Variants in GPR158 observed in about 807,000 individuals in gnomAD.
The protein encoded by GPR158 is G protein-coupled receptor 158.
A neutral mutation model predicts 78.2 loss-of-function variants in GPR158; 30 were observed. The ratio of observed to expected loss-of-function variants is 0.38; its 90% CI spans 0.29 to 0.52. GPR158 has a LOEUF of 0.52. GPR158 is among the 20% of genes least tolerant of loss of function. The pLI is 0.83. For missense variants in GPR158, 1,463 were observed against 1,523.5 expected (o/e 0.96, Z 0.66); for synonymous variants, 581 against 591.1 (o/e 0.98, Z 0.25).
At chr10:25,472,182 G>A (rs564942021) in intron 5 of GPR158, among the ~76,000 whole-genome samples, 3 of 152,072 alleles carry the variant, frequency 2.0e-5, no homozygotes, top group Admixed American at 6.5e-5. Context: ...TCTACATATG[G>A]CTAGCCAGTT....
intron 10 of GPR158, among the ~76,000 whole-genome samples, chr10:25,597,056 C>T (rs1425315987): frequency 6.6e-6 from 1 of 152,164 alleles, no homozygotes; most frequent in Admixed American, 6.5e-5. Flanking sequence ...GTAGTCTTAA[C>T]TGACTTACTG....
chr10:25,274,931 G>A (rs1017306173), intron 2 of GPR158, among the ~76,000 whole-genome samples: 7 of 152,074 alleles, frequency 4.6e-5, no homozygotes, highest in Non-Finnish European at 7.4e-5. Flanking sequence ...TGACAAAGAC[G>A]AATTACTCTC....
chr10:25,372,253 G>A (rs939203860), intron 2 of GPR158, among the ~76,000 whole-genome samples: 35 of 152,160 alleles, frequency 2.3e-4, no homozygotes, highest in African/African-American at 7.7e-4. Context: ...CTTTTACACT[G>A]TTGGTGGGAC....
intron 2 of GPR158, among the ~76,000 whole-genome samples, chr10:25,222,988 T>C (rs988840336): frequency 6.6e-6 from 1 of 152,192 alleles, no homozygotes; most frequent in African/African-American, 2.4e-5. Flanking sequence ...CTTTCTCCTT[T>C]TGGAAGATTG....
At chr10:25,493,116 G>C (rs3005187) in intron 5 of GPR158, among the ~76,000 whole-genome samples, 74,791 of 151,864 alleles carry the variant, frequency 0.49, 19,086 homozygotes, top group East Asian at 0.79. Flanking sequence ...TGACATATAG[G>C]CCTTTCACGA....
intron 5 of GPR158, among the ~76,000 whole-genome samples, chr10:25,526,152 A>G (rs1430475648): frequency 6.6e-6 from 1 of 151,654 alleles, no homozygotes; most frequent in Non-Finnish European, 1.5e-5. Flanking sequence ...TTCTGGTTCT[A>G]ATAACTGAGC....
At chr10:25,596,537 GTATAGATATAGATACCTA>G (rs1203645370) in intron 9 of GPR158, 88 bp from the exon 10 acceptor site, 19 of 715,652 alleles carry the variant, frequency 2.7e-5, no homozygotes, top group East Asian at 2.2e-4. Flanking sequence ...ATAGATCTAG[GTATAGATATAGATACCTA>G]TATAGATATA....
At chr10:25,498,380 A>G (rs2130655113) in intron 5 of GPR158, among the ~76,000 whole-genome samples, 1 of 152,310 alleles carries the variant, frequency 6.6e-6, no homozygotes, top group South Asian at 2.1e-4. Context: ...ACCTCTTTGT[A>G]ATGTAGTGGT....
intron 2 of GPR158, among the ~76,000 whole-genome samples, chr10:25,325,541 C>T (rs1180244379): frequency 6.6e-6 from 1 of 151,972 alleles, no homozygotes; most frequent in Non-Finnish European, 1.5e-5. Flanking sequence ...AGGTTGATTC[C>T]ATTTATTGGC....
At chr10:25,451,181 C>G (rs1321704889) in intron 4 of GPR158, among the ~76,000 whole-genome samples, 1 of 152,064 alleles carries the variant, frequency 6.6e-6, no homozygotes, top group Non-Finnish European at 1.5e-5. Flanking sequence ...TTAAGATAAG[C>G]CCCCTAAATG....
chr10:25,429,658 C>T lies in GPR158; in HGVS notation c.1335+17185C>T, dbSNP rs528638873. Among the ~76,000 whole-genome samples, 4 of 150,822 alleles carry T rather than the reference C, an allele frequency of 2.7e-5. No individual in the cohort carries two copies. The South Asian group carries it at 8.4e-4, about 32-fold the overall frequency. On this transcript the variant is annotated intron_variant, in intron 4 of 10. Coordinates refer to ENST00000376351, the MANE Select transcript of GPR158 (RefSeq NM_020752.3). ...CCAGCAGCACATCAAAAAGCTTATC[C>T]ACCATGATCAAGTGGGCTTCATCCC...
intron 2 of GPR158, among the ~76,000 whole-genome samples, chr10:25,323,470 T>C (rs1854985151): frequency 6.6e-6 from 1 of 152,176 alleles, no homozygotes; most frequent in African/African-American, 2.4e-5. Flanking sequence ...AAGACTGTTT[T>C]GTTTACATTG....
intron 2 of GPR158, among the ~76,000 whole-genome samples, chr10:25,284,349 T>C (rs1854317563): frequency 6.6e-6 from 1 of 152,096 alleles, no homozygotes; most frequent in Admixed American, 6.6e-5. Context: ...TTGGGGAATG[T>C]CATTTTTACC....
At chr10:25,495,198 T>G (rs1220674412) in intron 5 of GPR158, among the ~76,000 whole-genome samples, 1 of 151,950 alleles carries the variant, frequency 6.6e-6, no homozygotes, top group Non-Finnish European at 1.5e-5. Context: ...AAATTCAGTT[T>G]ACCGAAGTTT....
chr10:25,336,996 T>C (rs1344591683), intron 2 of GPR158, among the ~76,000 whole-genome samples: 2 of 151,414 alleles, frequency 1.3e-5, no homozygotes, highest in African/African-American at 4.9e-5. Flanking sequence ...CAGAGAATTA[T>C]GCAAATGGAA....
chr10:25,280,365 T>C (rs1220114521), intron 2 of GPR158, among the ~76,000 whole-genome samples: 1 of 152,172 alleles, frequency 6.6e-6, no homozygotes, highest in Admixed American at 6.5e-5. Context: ...CAAAAAGAAC[T>C]GTTGGTTATA....
At chr10:25,335,492 G>A (rs1360607966) in intron 2 of GPR158, among the ~76,000 whole-genome samples, 3 of 151,944 alleles carry the variant, frequency 2.0e-5, no homozygotes, top group African/African-American at 7.2e-5. Context: ...TGGCTTTAGT[G>A]TATGAAAAAT....
intron 2 of GPR158, among the ~76,000 whole-genome samples, chr10:25,307,896 C>A (rs77172044): frequency 0.013 from 1,903 of 152,214 alleles, 46 homozygotes; most frequent in African/African-American, 0.043. Context: ...GAAAGTGCAT[C>A]TTCAGGAAAA....
rs1837466203 is a variant in GPR158, at chr10:25,599,664, G to A, written c.*390G>A. On this transcript the variant is annotated 3_prime_UTR_variant, in exon 11 of 11. Transcript: ENST00000376351. The stretch of plus-strand genomic sequence containing the variant: ...GAAAAGGTATAAGACATATATAACT[G>A]AAATTCTAAGTAGCTGACCGAGAAG... The A allele has an allele frequency of 1.2e-5, 2 of 163,308 alleles. No homozygotes were observed. Among genetic ancestry groups the A allele is most frequent in the Non-Finnish European group, 1.3e-5 (1 of 75,104 alleles). The allele number at this position is 163,308 out of a possible 1,614,324, so 10.1% of individuals were successfully genotyped here. A position where few individuals can be genotyped will look rare whatever the true frequency, so the allele number is the denominator to read the frequency against.
Sources: gnomAD v4.1 joint callset for allele counts (sites outside exome capture counted in the v4.1 genomes callset) on GRCh38, gnomAD v4.1.1 for gene constraint, MANE v1.5 for transcripts, NCBI Gene and HGNC (gene_info 2026-07-23, HGNC 2026-07-21) for gene names.